CDH13: variants seen among roughly 807,000 people sequenced by gnomAD.
CDH13 encodes the protein cadherin-13.
A neutral mutation model predicts 63.8 loss-of-function variants in CDH13; 24 were observed. The observed-to-expected ratio is 0.38, with a 90% CI of 0.27 to 0.53. The LOEUF is 0.53. Ranked by LOEUF, CDH13 falls within the 20% of genes least tolerant of loss-of-function variation. The probability of loss-of-function intolerance (pLI) is 0.85; values close to 1 mark genes in which losing one functional copy is unlikely to be tolerated. For synonymous variants in CDH13, 503 were observed against 355.3 expected (o/e 1.42, Z -4.67); for missense variants, 1,049 against 903.1 (o/e 1.16, Z -2.07).
intron 1 of CDH13, among the ~76,000 whole-genome samples, chr16:82,843,788 C>T (rs951010607): frequency 5.3e-5 from 8 of 152,140 alleles, no homozygotes; most frequent in East Asian, 1.9e-4. Context: ...ACAGCAAGGC[C>T]GGGTAGGATC....
chr16:83,566,507 C>CCTCCATT (rs57030116), intron 7 of CDH13, among the ~76,000 whole-genome samples: 49,698 of 151,366 alleles, frequency 0.33, 9,220 homozygotes, highest in East Asian at 0.43. Flanking sequence ...CAGAGCCCCA[C>CCTCCATT]CTCCATTCTC....
chr16:82,842,802 C>T (rs2039088841), intron 1 of CDH13, among the ~76,000 whole-genome samples: 1 of 152,142 alleles, frequency 6.6e-6, no homozygotes, highest in East Asian at 1.9e-4. Flanking sequence ...TGCAACTAGA[C>T]AGTCTCATCT....
At chr16:83,456,708 T>C (rs1158394353) in intron 6 of CDH13, among the ~76,000 whole-genome samples, 2 of 152,084 alleles carry the variant, frequency 1.3e-5, no homozygotes, top group Non-Finnish European at 2.9e-5. Context: ...ATGACCGTAA[T>C]CCCAGCACTT....
chr16:82,981,059 A>C (rs6565096), intron 2 of CDH13, among the ~76,000 whole-genome samples: 135,340 of 152,108 alleles, frequency 0.89, 60,376 homozygotes, highest in East Asian at 0.98. Flanking sequence ...CTGCGACTGG[A>C]CTGCATACAT....
intron 7 of CDH13, among the ~76,000 whole-genome samples, chr16:83,496,594 G>A (rs980966108): frequency 5.3e-5 from 8 of 152,168 alleles, no homozygotes; most frequent in African/African-American, 1.9e-4. Flanking sequence ...TCAGGACATA[G>A]GCATGGGCAA....
At chr16:83,573,375 C>T (rs1194725320) in intron 7 of CDH13, among the ~76,000 whole-genome samples, 2 of 152,016 alleles carry the variant, frequency 1.3e-5, no homozygotes, top group Non-Finnish European at 2.9e-5. Flanking sequence ...ATGGGTTCAG[C>T]AAAAAAACCG....
intron 2 of CDH13, among the ~76,000 whole-genome samples, chr16:83,002,314 G>A (rs1169728021): frequency 1.3e-5 from 2 of 152,188 alleles, no homozygotes; most frequent in Non-Finnish European, 2.9e-5. Flanking sequence ...TATGAATACG[G>A]AGGCAACTCT....
chr16:83,687,274 C>T (rs1487554419), intron 10 of CDH13, among the ~76,000 whole-genome samples: 1 of 152,144 alleles, frequency 6.6e-6, no homozygotes, highest in Non-Finnish European at 1.5e-5. Context: ...ACAGAAATGC[C>T]TGAGACTGGG....
At chr16:83,439,370 G>C (rs1056549632) in intron 6 of CDH13, among the ~76,000 whole-genome samples, 2 of 152,192 alleles carry the variant, frequency 1.3e-5, no homozygotes, top group Middle Eastern at 3.2e-3. Context: ...ATTGCAATGG[G>C]AGAGAATATA....
At chr16:83,013,545 G>C (rs969387805) in intron 2 of CDH13, among the ~76,000 whole-genome samples, 2 of 152,144 alleles carry the variant, frequency 1.3e-5, no homozygotes, top group African/African-American at 4.8e-5. Flanking sequence ...CCTCACAAGT[G>C]GGATTAAGAG....
chr16:82,971,939 G>A (rs1442962618), intron 2 of CDH13, among the ~76,000 whole-genome samples: 2 of 152,124 alleles, frequency 1.3e-5, no homozygotes, highest in African/African-American at 4.8e-5. Context: ...CCTGTGTGGG[G>A]AGCCTCTTCA....
chr16:82,949,121 T>G (rs534464853), intron 2 of CDH13, among the ~76,000 whole-genome samples: 1 of 152,322 alleles, frequency 6.6e-6, no homozygotes, highest in African/African-American at 2.4e-5. Context: ...GAAAAAGTAC[T>G]GGGTGACTTA....
intron 13 of CDH13, among the ~76,000 whole-genome samples, chr16:83,792,230 A>G (rs1243115401): frequency 6.6e-6 from 1 of 152,250 alleles, no homozygotes; most frequent in East Asian, 1.9e-4. Flanking sequence ...TTAAAGTGAC[A>G]TGACATTATG....
chr16:83,162,413 A>G (rs988887665), intron 4 of CDH13, among the ~76,000 whole-genome samples: 1 of 152,188 alleles, frequency 6.6e-6, no homozygotes, highest in Non-Finnish European at 1.5e-5. Context: ...TTTTACAGAT[A>G]TTTACACTGA....
intron 1 of CDH13, among the ~76,000 whole-genome samples, chr16:82,787,069 TA>T (rs771968229): frequency 1.3e-5 from 2 of 152,174 alleles, no homozygotes; most frequent in Non-Finnish European, 2.9e-5. Flanking sequence ...AAGTAACATA[TA>T]ATTCACCTAT....
At chr16:83,650,783 A>G (rs1400791923) in intron 8 of CDH13, among the ~76,000 whole-genome samples, 1 of 152,172 alleles carries the variant, frequency 6.6e-6, no homozygotes, top group African/African-American at 2.4e-5. Flanking sequence ...ATTCGAAAAG[A>G]AAAAGCAGGG....
At chr16:83,081,755 C>T (rs1263495898) in intron 3 of CDH13, among the ~76,000 whole-genome samples, 1 of 151,926 alleles carries the variant, frequency 6.6e-6, no homozygotes, top group East Asian at 1.9e-4. Context: ...TAGAATGGTA[C>T]TAATTCCATC....
chr16:83,793,411 G>A (rs922805398), intron 13 of CDH13, among the ~76,000 whole-genome samples: 4 of 152,162 alleles, frequency 2.6e-5, no homozygotes, highest in South Asian at 4.1e-4. Flanking sequence ...AGCCAGCCCC[G>A]CAGCTGGCCA....
At chr16:83,383,505 C>T (rs1597883161) in intron 6 of CDH13, among the ~76,000 whole-genome samples, 2 of 152,290 alleles carry the variant, frequency 1.3e-5, no homozygotes, top group South Asian at 2.1e-4. Flanking sequence ...TTCCTTTTTC[C>T]ATGGCTCCTT....
Sources: allele counts gnomAD v4.1 joint callset (sites outside exome capture counted in the v4.1 genomes callset), GRCh38; gene constraint gnomAD v4.1.1; transcripts MANE v1.5; gene names NCBI Gene and HGNC (gene_info 2026-07-23, HGNC 2026-07-21).